Variants in PRKCB observed in about 807,000 individuals in gnomAD.
PRKCB encodes protein kinase C beta.
In PRKCB, 13 loss-of-function variants were observed where a neutral mutation model predicts 81.5. That is an observed-to-expected ratio of 0.16 (90% confidence interval 0.10 to 0.25). The LOEUF is 0.25. PRKCB is among the 10% of genes least tolerant of loss of function. The pLI, the probability that PRKCB is intolerant of heterozygous loss-of-function variation, is 1.00. For synonymous variants in PRKCB, 335 were observed against 321.4 expected, an observed-to-expected ratio of 1.04 and a Z score of -0.45; for missense variants, 509 against 875.7, an observed-to-expected ratio of 0.58 and a Z score of 5.29.
intron 10 of PRKCB, among the ~76,000 whole-genome samples, chr16:24,163,800 G>T (rs1219184523): frequency 6.6e-6 from 1 of 152,190 alleles, no homozygotes; most frequent in Admixed American, 6.5e-5. Context: ...CCCCTATGAA[G>T]AACAAGCTGT....
intron 9 of PRKCB, among the ~76,000 whole-genome samples, chr16:24,127,438 A>G (rs983212638): frequency 2.6e-5 from 4 of 152,146 alleles, no homozygotes; most frequent in African/African-American, 7.2e-5. Flanking sequence ...TGCTTTCCCT[A>G]TGTGAACACT....
intron 5 of PRKCB, among the ~76,000 whole-genome samples, chr16:24,054,094 T>C (rs1027449314): frequency 6.6e-6 from 1 of 152,168 alleles, no homozygotes; most frequent in Non-Finnish European, 1.5e-5. Flanking sequence ...TGCCTCAGCC[T>C]CCTGAGTAGC....
At chr16:24,057,020 C>G (rs1382335129) in intron 5 of PRKCB, among the ~76,000 whole-genome samples, 2 of 152,110 alleles carry the variant, frequency 1.3e-5, no homozygotes, top group Non-Finnish European at 2.9e-5. Context: ...TTTATGGCCA[C>G]TAAAATGGAA....
intron 16 of PRKCB, among the ~76,000 whole-genome samples, chr16:24,214,260 C>T (rs1968189545): frequency 6.6e-6 from 1 of 152,110 alleles, no homozygotes; most frequent in Non-Finnish European, 1.5e-5. Flanking sequence ...TTGCATCTTG[C>T]ACCACCTGAA....
intron 5 of PRKCB, among the ~76,000 whole-genome samples, chr16:24,043,173 T>C (rs7199059): frequency 0.029 from 4,451 of 152,276 alleles, 189 homozygotes; most frequent in African/African-American, 0.09. Flanking sequence ...GAGAAATGCC[T>C]TTATGTCCCC....
chr16:24,127,882 A>C (rs1449857971), intron 9 of PRKCB, among the ~76,000 whole-genome samples: 3 of 152,200 alleles, frequency 2.0e-5, no homozygotes, highest in Admixed American at 1.3e-4. Context: ...TTGTAAATTA[A>C]TGCAGGTTTT....
chr16:24,107,615 G>A (rs578096030), intron 7 of PRKCB, among the ~76,000 whole-genome samples: 3 of 152,324 alleles, frequency 2.0e-5, no homozygotes, highest in Admixed American at 2.0e-4. Flanking sequence ...TCTCTGAGGG[G>A]GCACACGTGT....
chr16:24,211,967 C>T (rs1057515303), intron 16 of PRKCB, among the ~76,000 whole-genome samples: 1 of 152,154 alleles, frequency 6.6e-6, no homozygotes, highest in Non-Finnish European at 1.5e-5. Context: ...AACAAAAAGG[C>T]TTTGAAGAAG....
At chr16:23,953,018 C>T (rs1964303041) in intron 2 of PRKCB, among the ~76,000 whole-genome samples, 1 of 152,170 alleles carries the variant, frequency 6.6e-6, no homozygotes, top group Admixed American at 6.5e-5. Flanking sequence ...CATTGCTTCC[C>T]ACATGCAGGG....
intron 2 of PRKCB, among the ~76,000 whole-genome samples, chr16:23,850,170 G>A (rs1028483362): frequency 1.3e-4 from 19 of 151,614 alleles, no homozygotes; most frequent in African/African-American, 4.4e-4. Flanking sequence ...TTAAAGTCTG[G>A]GTAGGATTCT....
At chr16:24,039,224 C>CT (rs1317936105) in intron 5 of PRKCB, among the ~76,000 whole-genome samples, 1 of 151,870 alleles carries the variant, frequency 6.6e-6, no homozygotes, top group African/African-American at 2.4e-5. Flanking sequence ...GTCTTTTTTT[C>CT]TTTTTTTCTT....
intron 16 of PRKCB, among the ~76,000 whole-genome samples, chr16:24,211,202 G>A (rs1301592512): frequency 5.3e-5 from 8 of 152,126 alleles, no homozygotes; most frequent in Admixed American, 1.3e-4. Flanking sequence ...ATGACAAATA[G>A]GTTTCCTTAA....
At chr16:24,182,873 TTGTGTG>T (rs10524225) in intron 13 of PRKCB, among the ~76,000 whole-genome samples, 1 of 133,608 alleles carries the variant, frequency 7.5e-6, no homozygotes, top group Non-Finnish European at 1.6e-5. Flanking sequence ...ACATTGTTTC[TTGTGTG>T]TGTGTGTGTG....
At chr16:23,875,525 A>ATGTGTGTATATCACACACATATG (rs1474709565) in intron 2 of PRKCB, among the ~76,000 whole-genome samples, 2 of 90,188 alleles carry the variant, frequency 2.2e-5, no homozygotes, top group South Asian at 1.6e-3. Context: ...TCACACACAT[A>ATGTGTGTATATCACACACATATG]TGTGTATATC....
At chr16:23,852,513 G>A (rs191525964) in intron 2 of PRKCB, among the ~76,000 whole-genome samples, 2 of 152,150 alleles carry the variant, frequency 1.3e-5, no homozygotes, top group East Asian at 3.9e-4. Flanking sequence ...CTTCAATTTG[G>A]TTTGCTAATA....
chr16:23,897,855 A>C (rs967173043), intron 2 of PRKCB, among the ~76,000 whole-genome samples: 10 of 151,334 alleles, frequency 6.6e-5, no homozygotes, highest in Non-Finnish European at 2.9e-5. Flanking sequence ...CCATCCACCC[A>C]CCCATCCATA....
chr16:24,160,041 C>G (rs1048217912), intron 10 of PRKCB, among the ~76,000 whole-genome samples: 7 of 152,110 alleles, frequency 4.6e-5, no homozygotes, highest in Admixed American at 6.6e-5. Context: ...ACGATCACAT[C>G]TAATCTTCAC....
intron 2 of PRKCB, among the ~76,000 whole-genome samples, chr16:23,903,228 T>A (rs1963510083): frequency 6.6e-6 from 1 of 151,488 alleles, no homozygotes; most frequent in African/African-American, 2.4e-5. Context: ...GGCCCCAGGC[T>A]TTTGTGAGTA....
chr16:24,105,397 G>T (rs757006622), intron 7 of PRKCB, among the ~76,000 whole-genome samples: 1 of 151,810 alleles, frequency 6.6e-6, no homozygotes, highest in Non-Finnish European at 1.5e-5. Flanking sequence ...TTAAGCTCTG[G>T]GATACATGAA....
Sources: gnomAD v4.1 joint callset for allele counts (sites outside exome capture counted in the v4.1 genomes callset) on GRCh38, gnomAD v4.1.1 for gene constraint, MANE v1.5 for transcripts, NCBI Gene and HGNC (gene_info 2026-07-23, HGNC 2026-07-21) for gene names.